Variants in TTYH3 observed in about 807,000 individuals in gnomAD.
TTYH3 encodes protein tweety homolog 3.
In TTYH3, 23 loss-of-function variants were observed where a neutral mutation model predicts 68.2. That is an observed-to-expected ratio of 0.34 (90% CI 0.24 to 0.48). The LOEUF (loss-of-function observed/expected upper bound fraction) is 0.48, where lower values mean the gene tolerates loss of function less well. Ranked by LOEUF, TTYH3 falls within the 20% of genes least tolerant of loss-of-function variation. The pLI, the probability that TTYH3 is intolerant of heterozygous loss-of-function variation, is 0.99. For synonymous variants in TTYH3, 360 were observed against 332.8 expected (o/e 1.08, Z -0.89); for missense variants, 768 against 727.7 (o/e 1.06, Z -0.64).
chr7:2,661,887 C>CTCGCCCTCCTG lies in TTYH3; in HGVS notation c.*150_*151insGCCCTCCTGTC. The CTCGCCCTCCTG allele has an allele frequency of 1.2e-6, 1 of 845,460 alleles. No homozygotes were observed. The highest frequency in any genetic ancestry group is 1.9e-6 in the Non-Finnish European group (1 of 535,604). The allele number at this position is 845,460 out of a possible 1,614,324, so 52.4% of individuals were successfully genotyped here. A position where few individuals can be genotyped will look rare whatever the true frequency, so the allele number is the denominator to read the frequency against. ...TGCAGGCCGCTTGCCCTCCTGTCCCCTCCCCGCAGGGGCACAGTGGAGACG... is the reference window on the plus strand; with the variant it reads ...TGCAGGCCGCTTGCCCTCCTGTCCCCTCGCCCTCCTGTCCCCGCAGGGGCACAGTGGAGACG... On this transcript the variant is annotated 3_prime_UTR_variant, in exon 14 of 14. Coordinates refer to ENST00000258796, the MANE Select transcript of TTYH3 (RefSeq NM_025250.3).
Position 2,647,573 on chromosome 7 carries a change from T to C in TTYH3, c.561T>C (p.Phe187=). Residue 187 remains phenylalanine (F), a synonymous_variant, in exon 4 of 14, where the codon TTT becomes TTC. Transcript: ENST00000258796. ...TGGGCTACACGGCCGCCATCCCCTT[T>C]TGGAGGAACACGGCGGTGTCGCTGG... ...TLLGYTAAIP[F]WRNTAVSLEV... is the part of the protein sequence containing the mutation. The C allele has an allele frequency of 6.4e-7, 1 of 1,570,628 alleles. No individual in the cohort carries two copies. Among genetic ancestry groups the C allele is most frequent in the South Asian group, 1.2e-5 (1 of 85,290 alleles).
At chr7:2,643,378 AGAGTCCCCGGTACTCCAGCTCCTGT>A in intron 1 of TTYH3, among the ~76,000 whole-genome samples, 1 of 147,758 alleles carries the variant, frequency 6.8e-6, no homozygotes, top group East Asian at 2.0e-4. Flanking sequence ...AAAAAATCGT[AGAGTCCCCGGTACTCCAGCTCCTGT>A]GCTGCCTTTT....
intron 13 of TTYH3, chr7:2,660,493 C>CTTCTCCCGCT (rs1562721040): frequency 2.0e-6 from 2 of 985,258 alleles, no homozygotes; most frequent in African/African-American, 3.5e-5. Flanking sequence ...GCTGGCCCCA[C>CTTCTCCCGCT]GGTGGTGCGG....
intron 1 of TTYH3, 33 bp downstream of exon 1, chr7:2,632,311 G>A (rs373881179): frequency 1.0e-5 from 16 of 1,529,532 alleles, no homozygotes; most frequent in African/African-American, 2.8e-5. Context: ...GCGGGGTCAG[G>A]GACCCCAGGT....
At chr7:2,641,217 T>G (rs987134992) in intron 1 of TTYH3, among the ~76,000 whole-genome samples, 1 of 152,170 alleles carries the variant, frequency 6.6e-6, no homozygotes, top group African/African-American at 2.4e-5. Flanking sequence ...CAACCTGATC[T>G]GGGACAGAGT....
At position 2,645,943 on chromosome 7, in the gene TTYH3, G is replaced by C; in HGVS notation, c.124-910G>C. 1 of 445,774 alleles carries C rather than the reference G, an allele frequency of 2.2e-6. No individual in the cohort carries two copies. The highest frequency in any genetic ancestry group is 1.6e-5 in the South Asian group (1 of 62,286). The allele number at this position is 445,774 out of a possible 1,614,324, so 27.6% of individuals were successfully genotyped here. A position where few individuals can be genotyped will look rare whatever the true frequency, so the allele number is the denominator to read the frequency against. On this transcript the variant is annotated intron_variant, in intron 1 of 13. Coordinates refer to ENST00000258796, the MANE Select transcript of TTYH3 (RefSeq NM_025250.3). This position sits in a 1 kb window ranked among gnomAD's most constrained non-coding sequence, Gnocchi z 4.8. ...GGCTCTGGGGTCCTGGGGCTGTCTC[G>C]GGCTGGGGGTGAGGACAGTAGCTGA...
chr7:2,638,689 C>A (rs555110816), intron 1 of TTYH3, among the ~76,000 whole-genome samples: 36 of 152,328 alleles, frequency 2.4e-4, no homozygotes, highest in African/African-American at 8.4e-4. Flanking sequence ...TCATGGAATG[C>A]GTGAAACCCA....
chr7:2,642,124 C>T (rs1171339677), intron 1 of TTYH3, among the ~76,000 whole-genome samples: 3 of 152,220 alleles, frequency 2.0e-5, no homozygotes, highest in Non-Finnish European at 4.4e-5. Context: ...CAGCCAATCG[C>T]GGTGCTCACA....
At chr7:2,639,791 C>T (rs1289941980) in intron 1 of TTYH3, among the ~76,000 whole-genome samples, 1 of 152,202 alleles carries the variant, frequency 6.6e-6, no homozygotes, top group Non-Finnish European at 1.5e-5. Flanking sequence ...CCCTTTCCCT[C>T]CTCCAAGCTG....
chr7:2,662,116 T>G lies in TTYH3; in HGVS notation c.*377T>G, dbSNP rs1786514663. 3 of 429,878 alleles carry G rather than the reference T, an allele frequency of 7.0e-6. No homozygotes were observed. Among genetic ancestry groups the G allele is most frequent in the Non-Finnish European group, 1.3e-5 (3 of 231,332 alleles). The allele number at this position is 429,878 out of a possible 1,614,324, so 26.6% of individuals were successfully genotyped here. ...GCTCTCCTTCCTCCCGCCCGGCACT[T>G]CTGTGGACCCCTTCTTAGTTCACAG... On this transcript the variant is annotated 3_prime_UTR_variant, in exon 14 of 14. Transcript: ENST00000258796.
intron 7 of TTYH3, among the ~76,000 whole-genome samples, chr7:2,651,620 G>A (rs1786179691): frequency 6.6e-6 from 1 of 152,244 alleles, no homozygotes; most frequent in African/African-American, 2.4e-5. Flanking sequence ...CTGCGGGCCA[G>A]ACAGCCCCTC....
chr7:2,648,725 C>T (rs182948372), intron 5 of TTYH3, among the ~76,000 whole-genome samples: 6 of 150,706 alleles, frequency 4.0e-5, no homozygotes, highest in South Asian at 2.1e-4. Context: ...GAGGAAAAGC[C>T]GGGGTGGTGT....
chr7:2,649,498 C>T (rs1786100092), intron 5 of TTYH3, 69 bp from the exon 6 acceptor site: 5 of 1,477,624 alleles, frequency 3.4e-6, no homozygotes, highest in Non-Finnish European at 4.6e-6. Flanking sequence ...GCCTTCTGGC[C>T]TGCAGCCCAG....
chr7:2,652,287 G>A (rs755455691), intron 8 of TTYH3, 45 bp downstream of exon 8: 167 of 1,570,396 alleles, frequency 1.1e-4, no homozygotes, highest in Non-Finnish European at 2.4e-5. Flanking sequence ...AGAGTCTGAA[G>A]CACATTGCTG....
chr7:2,632,231 G>C lies in TTYH3; in HGVS notation c.76G>C (p.Glu26Gln). 1 of 1,586,506 alleles carries C rather than the reference G, an allele frequency of 6.3e-7. No homozygotes were observed. The change falls in exon 1 of 14, where the codon GAG becomes CAG. Residue 26 changes from glutamate to glutamine, a missense_variant. Transcript: ENST00000258796. ...HRLPHFDLSW[E>Q]ATSSQFRPED... ...GCTGCCCCACTTCGACCTGAGCTGG[G>C]AGGCCACTAGCAGCCAGTTCCGGCC...
At chr7:2,656,062 T>G in intron 9 of TTYH3, 30 bp from the exon 10 acceptor site, 4 of 1,505,636 alleles carry the variant, frequency 2.7e-6, no homozygotes, top group Non-Finnish European at 3.6e-6. Context: ...CCAAATGAAG[T>G]GCTGACCATC....
At chr7:2,656,617 C>T (rs773596302) in intron 11 of TTYH3, 83 bp downstream of exon 11, 3 of 1,490,540 alleles carry the variant, frequency 2.0e-6, no homozygotes, top group Non-Finnish European at 1.8e-6. Context: ...TTTATGGACA[C>T]CCATGTGCCA....
At chr7:2,660,931 T>G (rs1377037265) in intron 13 of TTYH3, among the ~76,000 whole-genome samples, 1 of 152,158 alleles carries the variant, frequency 6.6e-6, no homozygotes, top group Non-Finnish European at 1.5e-5. Context: ...ACACGTGCAC[T>G]CAAGACCTTC....
Position 2,661,966 on chromosome 7 carries a change from A to C in TTYH3, c.*227A>C, listed in dbSNP as rs1426361022. ...CGGGTCACACCTGAACGCTGCTGCC[A>C]GCCGATGCCCCAGCCCTGCACGCCA... is the stretch of plus-strand genomic sequence containing the variant. On this transcript the variant is annotated 3_prime_UTR_variant, in exon 14 of 14. Transcript: ENST00000258796. 1.7e-6 allele frequency: 1 copy of C among 605,708 alleles called. No homozygotes were observed. The highest frequency in any genetic ancestry group is 2.9e-6 in the Non-Finnish European group (1 of 340,868). The allele number at this position is 605,708 out of a possible 1,614,324, so 37.5% of individuals were successfully genotyped here.
Sources: allele counts gnomAD v4.1 joint callset (sites outside exome capture counted in the v4.1 genomes callset), GRCh38; gene constraint gnomAD v4.1.1; non-coding constraint Gnocchi (gnomAD v3.1); transcripts MANE v1.5; gene names NCBI Gene and HGNC (gene_info 2026-07-23, HGNC 2026-07-21).